Variants in RRN3 observed in about 807,000 individuals in gnomAD.
RRN3 encodes the protein RNA polymerase I transcription factor RRN3.
A neutral mutation model predicts 82.3 loss-of-function variants in RRN3; 38 were observed. The observed-to-expected ratio is 0.46, with a 90% CI of 0.36 to 0.61. The LOEUF (loss-of-function observed/expected upper bound fraction) is 0.61. RRN3 is among the 20% of genes least tolerant of loss of function. The pLI is 0.00. For missense variants in RRN3, 726 were observed against 793.1 expected, an observed-to-expected ratio of 0.92 and a Z score of 1.02; for synonymous variants, 284 against 284.3, an observed-to-expected ratio of 1.00 and a Z score of 0.01.
rs137876787 is a variant in RRN3, at chr16:15,073,043, G to A, written c.1035C>T (p.Arg345=). ...VDNGKTKDLY[R]DLINIFDKLL... is the part of the protein sequence containing the mutation. ...GTTTGTCAAAGATGTTTATCAGGTC[G>A]CGATATAGATCCTTTGTTTTGCCGT... The change falls in exon 12 of 18, where the codon CGC becomes CGT. Residue 345 remains arginine (R), a synonymous_variant. Coordinates refer to ENST00000198767, the MANE Select transcript of RRN3 (RefSeq NM_018427.5). The A allele has an allele frequency of 9.8e-5, 158 of 1,612,788 alleles. No homozygotes were observed. Among genetic ancestry groups the A allele is most frequent in the Middle Eastern group, 3.3e-4 (2 of 6,082 alleles).
intron 1 of RRN3, among the ~76,000 whole-genome samples, chr16:15,093,054 A>T (rs1430147382): frequency 6.6e-6 from 1 of 151,556 alleles, no homozygotes; most frequent in Non-Finnish European, 1.5e-5. Context: ...CCCAGGCTGG[A>T]GTGCAGTGGT....
In RRN3 at chr16:15,086,414, G is replaced by C; in HGVS notation, c.293C>G (p.Ser98Cys). Residue 98 changes from serine to cysteine, a missense_variant, in exon 4 of 18, where the codon TCT (serine) becomes TGT (cysteine). Transcript: ENST00000198767. ...IINWLLEFRS[S>C]IMYLTKDFEQ... is the part of the protein sequence containing the mutation. Reference sequence around the variant, plus strand: ...AAAGTCTTTTGTCAAGTACATGATAGAAGAACGGAATTCTAGCAGCCAGTT... The same window carrying C: ...AAAGTCTTTTGTCAAGTACATGATACAAGAACGGAATTCTAGCAGCCAGTT... 6.2e-7 allele frequency: 1 copy of C among 1,613,610 alleles called. No individual in the cohort carries two copies.
At chr16:15,064,001 T>C (rs2044840860) in intron 16 of RRN3, among the ~76,000 whole-genome samples, 1 of 152,184 alleles carries the variant, frequency 6.6e-6, no homozygotes, top group South Asian at 2.1e-4. Flanking sequence ...ACAACTAATC[T>C]GGTTTCAGTC....
chr16:15,077,608 G>A (rs1158498140), intron 9 of RRN3, among the ~76,000 whole-genome samples: 1 of 152,156 alleles, frequency 6.6e-6, no homozygotes, highest in African/African-American at 2.4e-5. Flanking sequence ...TTGGGAGGCC[G>A]AGGTGGACGG....
In RRN3 at chr16:15,093,787, G is replaced by A. The variant is rs113430477; in HGVS notation, c.89+358C>T. Among the ~76,000 whole-genome samples the A allele has an allele frequency of 1.7e-3, 260 of 152,240 alleles. 1 individual carries two copies. The highest frequency in any genetic ancestry group is 4.9e-3 in the African/African-American group (202 of 41,542). On this transcript the variant is annotated intron_variant, in intron 1 of 17. Coordinates refer to ENST00000198767, the MANE Select transcript of RRN3 (RefSeq NM_018427.5). ...TAATATTCAATTTGCCATGAGTGAC[G>A]ACGTTCGGCTGATAACCCACATAGC...
At chr16:15,089,738 T>C (rs1163095481) in intron 3 of RRN3, among the ~76,000 whole-genome samples, 1 of 127,712 alleles carries the variant, frequency 7.8e-6, no homozygotes, top group Non-Finnish European at 1.5e-5. Context: ...AGGCGGAGCT[T>C]GCAGTGAGCC....
chr16:15,093,926 G>A, intron 1 of RRN3: 1 of 548,852 alleles, frequency 1.8e-6, no homozygotes, highest in Non-Finnish European at 3.2e-6. Flanking sequence ...GGGAAAGGGG[G>A]CCTCCAGAAC....
At chr16:15,068,043 C>A in intron 15 of RRN3, 126 bp downstream of exon 15, 1 of 887,020 alleles carries the variant, frequency 1.1e-6, no homozygotes, top group Non-Finnish European at 1.7e-6. Context: ...TTACAGGTGT[C>A]AGCCACCACG....
At position 15,083,557 on chromosome 16, in the gene RRN3, G is replaced by C. The variant is rs1276314657; in HGVS notation, c.622C>G (p.Leu208Val). 37 of 1,609,070 alleles carry C rather than the reference G, an allele frequency of 2.3e-5. No individual in the cohort carries two copies. The highest frequency in any genetic ancestry group is 1.1e-4 in the African/African-American group (8 of 74,566). ...PSTPWFLMPI[L>V]VEKFPFVRKS... ...CGAACAAATGGAAATTTTTCCACCA[G>C]TATTGGCATGAGAAACCACGGTGTC... is the stretch of plus-strand genomic sequence containing the variant. The change falls in exon 8 of 18, where the codon CTG (leucine) becomes GTG (valine). Residue 208 changes from leucine (L) to valine (V), a missense_variant. By Grantham distance (32) the Leu-to-Val change is conservative. This residue lies in a region of RRN3 where 344 missense variants were observed against 394.5 expected (regional missense o/e 0.87). Coordinates refer to ENST00000198767, the MANE Select transcript of RRN3 (RefSeq NM_018427.5).
At chr16:15,065,511 A>G in intron 15 of RRN3, 140 bp from the exon 16 acceptor site, 1 of 639,864 alleles carries the variant, frequency 1.6e-6, no homozygotes. Flanking sequence ...TAACAATATA[A>G]AGCAGAAAGT....
At chr16:15,068,299 G>T (rs759233703) in intron 14 of RRN3, 22 bp from the exon 15 acceptor site, 5 of 1,548,290 alleles carry the variant, frequency 3.2e-6, no homozygotes, top group South Asian at 2.5e-5. Flanking sequence ...AAAAAAAAAA[G>T]ATTTTTTTAA....
intron 1 of RRN3, 23 bp from the exon 2 acceptor site, chr16:15,092,637 C>A (rs751958976): frequency 7.4e-7 from 1 of 1,355,964 alleles, no homozygotes; most frequent in Non-Finnish European, 1.1e-6. Context: ...GATTAACAAG[C>A]TATTAAGTTC....
intron 13 of RRN3, among the ~76,000 whole-genome samples, chr16:15,070,577 G>A (rs1423376377): frequency 6.6e-6 from 1 of 152,070 alleles, no homozygotes; most frequent in African/African-American, 2.4e-5. Context: ...AACAGGACAC[G>A]TTCACCAACA....
intron 8 of RRN3, among the ~76,000 whole-genome samples, chr16:15,082,568 G>A (rs2045752880): frequency 6.6e-6 from 1 of 151,900 alleles, no homozygotes; most frequent in African/African-American, 2.4e-5. Flanking sequence ...ACCTACTCGG[G>A]AGGCTGAGGT....
chr16:15,061,729 C>T lies in RRN3; in HGVS notation c.*15G>A, dbSNP rs1251506120. The T allele has an allele frequency of 6.3e-7, 1 of 1,599,336 alleles. No individual in the cohort carries two copies. The highest frequency in any genetic ancestry group is 2.2e-5 in the East Asian group (1 of 44,456). ...GGAATCCCAAATGTCACATCTCAGT[C>T]ACAAATTTCTGCCGTCAGAGGGGAC... is the stretch of plus-strand genomic sequence containing the variant. On this transcript the variant is annotated 3_prime_UTR_variant, in exon 18 of 18. Coordinates refer to ENST00000198767, the MANE Select transcript of RRN3 (RefSeq NM_018427.5).
At chr16:15,076,767 T>C (rs1335815454) in intron 9 of RRN3, 117 bp from the exon 10 acceptor site, 2 of 694,278 alleles carry the variant, frequency 2.9e-6, no homozygotes, top group African/African-American at 1.8e-5. Context: ...TAGTGCCTTA[T>C]ATCACACCCC....
Position 15,071,125 on chromosome 16 carries a change from G to C in RRN3, c.1255C>G (p.Leu419Val). 6.2e-7 allele frequency: 1 copy of C among 1,606,332 alleles called. No homozygotes were observed. The change falls in exon 13 of 18, where the codon CTT becomes GTT. Residue 419 changes from leucine (L) to valine (V), a missense_variant. Coordinates refer to ENST00000198767, the MANE Select transcript of RRN3 (RefSeq NM_018427.5). ...TCGGAAAATTAGGCTACTTACATAAGAGGAATAAATTTAGCTCTTGCCAAA... is the reference window on the plus strand; with the variant it reads ...TCGGAAAATTAGGCTACTTACATAACAGGAATAAATTTAGCTCTTGCCAAA... ...SFLARAKFIP[L>V]ITVKSCLDLL...
chr16:15,091,205 A>G (rs2046118221), intron 3 of RRN3, 110 bp downstream of exon 3: 7 of 1,310,470 alleles, frequency 5.3e-6, no homozygotes, highest in Non-Finnish European at 7.4e-6. Flanking sequence ...AAAATAAGGG[A>G]GGACCATGGA....
Position 15,086,179 on chromosome 16 carries a change from G to T in RRN3, c.422C>A (p.Thr141Asn). ...AFLGNLVSAQ[T>N]VFLRPCLSMI... is the part of the protein sequence containing the mutation. The stretch of plus-strand genomic sequence containing the variant: ...GCTGAGACACGGTCTGAGGAAAACA[G>T]TCTGTGCTGATACAAGATTACCAAG... Residue 141 changes from threonine (T) to asparagine (N), a missense_variant, in exon 5 of 18, where the codon ACT becomes AAT. By Grantham distance (65) the Thr-to-Asn change is moderately conservative. Around this residue, in one of 4 missense-constraint regions of RRN3, gnomAD observed 344 missense variants for 394.5 expected, o/e 0.87. Coordinates refer to ENST00000198767, the MANE Select transcript of RRN3 (RefSeq NM_018427.5). The T allele has an allele frequency of 6.2e-7, 1 of 1,601,854 alleles. No homozygotes were observed. The highest frequency in any genetic ancestry group is 8.5e-7 in the Non-Finnish European group (1 of 1,172,118).
Sources: gnomAD v4.1 joint callset for allele counts (sites outside exome capture counted in the v4.1 genomes callset) on GRCh38, gnomAD v4.1.1 for gene constraint, gnomAD v4.1.1 regional missense constraint, MANE v1.5 for transcripts, NCBI Gene and HGNC (gene_info 2026-07-23, HGNC 2026-07-21) for gene names.